GTF3C5: variants seen among roughly 807,000 people sequenced by gnomAD.
GTF3C5 encodes the protein general transcription factor IIIC subunit 5.
In GTF3C5, 47 loss-of-function variants were observed where a neutral mutation model predicts 61.0. That is an observed-to-expected ratio of 0.77 (90% CI 0.61 to 0.98). GTF3C5 has a LOEUF of 0.98. GTF3C5 is among the 50% of genes least tolerant of loss of function. The probability of loss-of-function intolerance (pLI) is 0.00; values close to 1 mark genes in which losing one functional copy is unlikely to be tolerated. For synonymous variants in GTF3C5, 295 were observed against 275.4 expected, an observed-to-expected ratio of 1.07 and a Z score of -0.71; for missense variants, 659 against 703.3, an observed-to-expected ratio of 0.94 and a Z score of 0.71.
chr9:133,045,299 G>A (rs1850168615), intron 3 of GTF3C5, among the ~76,000 whole-genome samples: 1 of 152,182 alleles, frequency 6.6e-6, no homozygotes, highest in African/African-American at 2.4e-5. Context: ...ACATGAGGAA[G>A]CCGAGACATG....
chr9:133,056,254 G>T (rs1829935529), intron 9 of GTF3C5, among the ~76,000 whole-genome samples, 160 bp downstream of exon 9: 1 of 152,204 alleles, frequency 6.6e-6, no homozygotes, highest in Non-Finnish European at 1.5e-5. Flanking sequence ...CATGCTGGTG[G>T]CCCTCGTAGA....
At chr9:133,030,759 G>A (rs573210444), upstream of GTF3C5, 9 of 599,802 alleles carry the variant, frequency 1.5e-5, no homozygotes, top group East Asian at 1.7e-4. Flanking sequence ...ACTGGTGCTT[G>A]CCCCGCCCGG....
At chr9:133,046,469 A>G (rs759685410) in intron 3 of GTF3C5, among the ~76,000 whole-genome samples, 15 of 152,230 alleles carry the variant, frequency 9.9e-5, no homozygotes, top group Admixed American at 2.0e-4. Flanking sequence ...TGGTGGTGTG[A>G]TAACAGAAGC....
At chr9:133,030,871 C>A, upstream of GTF3C5, 1 of 968,064 alleles carries the variant, frequency 1.0e-6, no homozygotes, top group Non-Finnish European at 1.6e-6. Flanking sequence ...TGGAGGCCCT[C>A]GCGTCTTGCT....
At chr9:133,035,118 T>C (rs778697176) in intron 1 of GTF3C5, among the ~76,000 whole-genome samples, 4 of 152,182 alleles carry the variant, frequency 2.6e-5, no homozygotes, top group Non-Finnish European at 5.9e-5. Flanking sequence ...CTTGACGGCA[T>C]GTGCAGTGAA....
At chr9:133,045,646 C>G (rs1225808419) in intron 3 of GTF3C5, among the ~76,000 whole-genome samples, 1 of 151,672 alleles carries the variant, frequency 6.6e-6, no homozygotes, top group African/African-American at 2.4e-5. Context: ...TTTTCTTTTT[C>G]TTTTTGAAAG....
Position 133,058,245 on chromosome 9 carries a change from C to T in GTF3C5, c.*265C>T, listed in dbSNP as rs1829998685. 3 of 1,028,228 alleles carry T rather than the reference C, an allele frequency of 2.9e-6. No homozygotes were observed. The highest frequency in any genetic ancestry group is 3.8e-6 in the Non-Finnish European group (3 of 799,978). The allele number at this position is 1,028,228 out of a possible 1,614,324, so 63.7% of individuals were successfully genotyped here. ...ACCCATGAACCAGCCCAGCATCCAG[C>T]CAGTGAGTGGGCACCCAATGCCTCT... is the stretch of plus-strand genomic sequence containing the variant. On this transcript the variant is annotated 3_prime_UTR_variant, in exon 11 of 11. Coordinates refer to ENST00000372097, the MANE Select transcript of GTF3C5 (RefSeq NM_012087.4).
rs1421746904 is a variant in GTF3C5, at chr9:133,042,081, C to G, written c.154-6C>G. On this transcript the variant is annotated splice_polypyrimidine_tract_variant and splice_region_variant and intron_variant, in intron 1 of 10. Coordinates refer to ENST00000372097, the MANE Select transcript of GTF3C5 (RefSeq NM_012087.4). ...CTTCACTCTGTCTCCTTTGGCCTTG[C>G]CACAGATCTACGCAGACCCCACCAA... 2 of 1,609,496 alleles carry G rather than the reference C, an allele frequency of 1.2e-6. No homozygotes were observed. Among genetic ancestry groups the G allele is most frequent in the Non-Finnish European group, 1.7e-6 (2 of 1,176,934 alleles).
rs1328835326 is a variant in GTF3C5, at chr9:133,056,818, C to T, written c.1303C>T (p.Arg435Trp). ...CGGGGCAGAGAATTCCTGCACAGAA[C>T]GGGATGGGTGGTGCCTCCCCAAGAC... Reference protein sequence around the residue: ...NDGAENSCTERDGWCLPKTSD... With the variant: ...NDGAENSCTEWDGWCLPKTSD... Residue 435 changes from arginine (R) to tryptophan (W), a missense_variant, in exon 10 of 11, where the codon CGG (arginine) becomes TGG (tryptophan). By Grantham distance (101) the Arg-to-Trp change is moderately radical. Coordinates refer to ENST00000372097, the MANE Select transcript of GTF3C5 (RefSeq NM_012087.4). The T allele has an allele frequency of 5.6e-6, 9 of 1,612,096 alleles. No homozygotes were observed. The highest frequency in any genetic ancestry group is 3.3e-5 in the Admixed American group (2 of 59,776).
chr9:133,050,662 A>G (rs1377983183), intron 3 of GTF3C5, 121 bp from the exon 4 acceptor site: 4 of 685,096 alleles, frequency 5.8e-6, no homozygotes, highest in Non-Finnish European at 1.0e-5. Context: ...ACAGATGTCC[A>G]GAGAGAGGCA....
chr9:133,054,384 TG>T (rs1007851935), intron 6 of GTF3C5, 23 bp from the exon 7 acceptor site: 2 of 1,600,358 alleles, frequency 1.2e-6, no homozygotes, highest in African/African-American at 2.7e-5. Context: ...CCCGCCCACC[TG>T]ACTTGCCCGC....
rs546891940 is a variant in GTF3C5, at chr9:133,042,158, C to T, written c.225C>T (p.Cys75=). 1.1e-5 allele frequency: 18 copies of T among 1,613,866 alleles called. No homozygotes were observed. Among genetic ancestry groups the T allele is most frequent in the Middle Eastern group, 1.7e-4 (1 of 6,058 alleles). Residue 75 remains cysteine, a synonymous_variant, in exon 2 of 11, where the codon TGC becomes TGT. Transcript: ENST00000372097. The stretch of plus-strand genomic sequence containing the variant: ...AGGACCCATACTGCCACCCAGTGTG[C>T]GCCAACCGCTTCAGTACCAGCAGCC... ...RPKDPYCHPV[C]ANRFSTSSLL...
At chr9:133,039,052 CAG>C (rs894034625) in intron 1 of GTF3C5, among the ~76,000 whole-genome samples, 23 of 152,154 alleles carry the variant, frequency 1.5e-4, no homozygotes, top group African/African-American at 5.6e-4. Flanking sequence ...TAGGAACTGT[CAG>C]AGTCTGTATT....
chr9:133,047,504 A>G (rs1169849116), intron 3 of GTF3C5, among the ~76,000 whole-genome samples: 1 of 151,724 alleles, frequency 6.6e-6, no homozygotes, highest in African/African-American at 2.4e-5. Context: ...AGTTTGAAGC[A>G]GGGGGTGACA....
intron 3 of GTF3C5, chr9:133,044,446 G>A (rs549864688): frequency 1.3e-5 from 2 of 153,658 alleles, no homozygotes; most frequent in African/African-American, 4.8e-5. Flanking sequence ...CACTACCTAA[G>A]CAAGCCTCGT....
chr9:133,035,471 T>G (rs1041559559), intron 1 of GTF3C5, among the ~76,000 whole-genome samples: 32 of 152,214 alleles, frequency 2.1e-4, no homozygotes, highest in African/African-American at 7.5e-4. Flanking sequence ...CCCTAAACCC[T>G]GAGAACTGCA....
chr9:133,054,817 C>T lies in GTF3C5; in HGVS notation c.1167+8C>T. 7 of 1,560,372 alleles carry T rather than the reference C, an allele frequency of 4.5e-6. No homozygotes were observed. The highest frequency in any genetic ancestry group is 2.4e-5 in the East Asian group (1 of 42,220). The stretch of plus-strand genomic sequence containing the variant: ...AGCAAGTACAAGCTCAAGGTGGGCG[C>T]CCCTGGAGGCCAGGAATGGAGGGGA... On this transcript the variant is annotated splice_region_variant and intron_variant, in intron 8 of 10. Coordinates refer to ENST00000372097, the MANE Select transcript of GTF3C5 (RefSeq NM_012087.4).
chr9:133,050,314 A>C (rs1850331878), intron 3 of GTF3C5, among the ~76,000 whole-genome samples: 2 of 152,170 alleles, frequency 1.3e-5, no homozygotes, highest in Non-Finnish European at 2.9e-5. Context: ...AGCAGATGTG[A>C]GTGAGTGCAG....
chr9:133,052,518 C>T (rs1850415935), intron 5 of GTF3C5, among the ~76,000 whole-genome samples: 1 of 152,062 alleles, frequency 6.6e-6, no homozygotes, highest in Non-Finnish European at 1.5e-5. Context: ...GCTGCAGAAC[C>T]CAGCCCCTGA....
Sources: allele counts gnomAD v4.1 joint callset (sites outside exome capture counted in the v4.1 genomes callset), GRCh38; gene constraint gnomAD v4.1.1; transcripts MANE v1.5; gene names NCBI Gene and HGNC (gene_info 2026-07-23, HGNC 2026-07-21).